The following GRK1 variants were observed in gnomAD, a reference collection of about 807,000 sequenced individuals.
GRK1 encodes G protein-coupled receptor kinase 1, also known as rhodopsin kinase GRK1.
In GRK1, 28 loss-of-function variants were observed where a neutral mutation model predicts 41.7. The ratio of observed to expected loss-of-function variants is 0.67; its 90% confidence interval spans 0.50 to 0.92. GRK1 has a LOEUF of 0.92. GRK1 is among the 40% of genes least tolerant of loss of function. GRK1 has a pLI of 0.00. For synonymous variants in GRK1, 327 were observed against 286.7 expected, an observed-to-expected ratio of 1.14 and a Z score of -1.42; for missense variants, 703 against 671.2, an observed-to-expected ratio of 1.05 and a Z score of -0.52.
chr13:113,734,023 C>CGTAT (rs2049981963), intron 6 of GRK1, among the ~76,000 whole-genome samples: 1 of 90,642 alleles, frequency 1.1e-5, no homozygotes. Flanking sequence ...CATGTGTGTG[C>CGTAT]GTGCGTGTGC....
At chr13:113,653,558 C>T in the GRK1 span, 1 of 729,828 alleles carries the variant, frequency 1.4e-6, no homozygotes, top group South Asian at 1.7e-5. Flanking sequence ...TCGGAGTAAA[C>T]TGTCTGCAGC....
chr13:113,668,913 T>G (rs1334475647), intron 1 of GRK1, among the ~76,000 whole-genome samples: 1 of 152,256 alleles, frequency 6.6e-6, no homozygotes, highest in Non-Finnish European at 1.5e-5. Context: ...AAATACCAGG[T>G]GCTCACAGCG....
chr13:113,654,904 T>C, the GRK1 span: 1 of 1,614,206 alleles, frequency 6.2e-7, no homozygotes, highest in Non-Finnish European at 8.5e-7. Context: ...AGCCCAGTCA[T>C]CACCACGTAG....
the GRK1 span, chr13:113,658,242 G>A: frequency 8.4e-7 from 1 of 1,192,720 alleles, no homozygotes. Context: ...TCCTCTGCCA[G>A]AGGTCAAAGG....
chr13:113,723,672 G>C (rs2049870867), intron 4 of GRK1, among the ~76,000 whole-genome samples: 1 of 152,164 alleles, frequency 6.6e-6, no homozygotes, highest in South Asian at 2.1e-4. Flanking sequence ...ATGGGAGGCA[G>C]GTTTGCCATA....
Position 113,731,268 on chromosome 13 carries a change from G to A in GRK1, c.1119G>A (p.Val373=), listed in dbSNP as rs754917668. The A allele has an allele frequency of 1.3e-6, 2 of 1,537,014 alleles. No individual in the cohort carries two copies. The highest frequency in any genetic ancestry group is 1.4e-5 in the African/African-American group (1 of 73,022). ...LLQGEEYDFS[V]DYFALGVTLY... ...AGGGCGAGGAGTACGACTTCTCCGTGGACTACTTTGCCCTGGGGGTCACCC... is the reference window on the plus strand; with the variant it reads ...AGGGCGAGGAGTACGACTTCTCCGTAGACTACTTTGCCCTGGGGGTCACCC... The change falls in exon 5 of 7, where the codon GTG becomes GTA. Residue 373 remains valine, a synonymous_variant. Transcript: ENST00000335678. The surrounding 1 kb of genome is among the most constrained non-coding windows in gnomAD (Gnocchi z 5.6).
At position 113,667,383 on chromosome 13, in the gene GRK1, C is replaced by G. The variant is rs369265506; in HGVS notation, c.-4C>G. The G allele has an allele frequency of 2.6e-6, 4 of 1,553,992 alleles. No individual in the cohort carries two copies. The highest frequency in any genetic ancestry group is 3.5e-6 in the Non-Finnish European group (4 of 1,150,334). Reference sequence around the variant, plus strand: ...CACGCCTGAAGCGGGCAGGAAGCTCCGGGATGGATTTCGGGTCTTTGGAGA... The same window carrying G: ...CACGCCTGAAGCGGGCAGGAAGCTCGGGGATGGATTTCGGGTCTTTGGAGA... On this transcript the variant is annotated 5_prime_UTR_variant, in exon 1 of 7. Transcript: ENST00000335678. The surrounding 1 kb of genome is among the most constrained non-coding windows in gnomAD (Gnocchi z 7.5).
chr13:113,671,405 C>T lies in GRK1; in HGVS notation c.828-94C>T, dbSNP rs549594607. The stretch of plus-strand genomic sequence containing the variant: ...GCCTCAAAACGACCAGAACGCTGGC[C>T]GAGAGACATGGTTCTGAGGCCCCAG... On this transcript the variant is annotated intron_variant, in intron 2 of 6. Coordinates refer to ENST00000335678, the MANE Select transcript of GRK1 (RefSeq NM_002929.3). This position sits in a 1 kb window ranked among gnomAD's most constrained non-coding sequence, Gnocchi z 4.1. 7 of 751,868 alleles carry T rather than the reference C, an allele frequency of 9.3e-6. No individual in the cohort carries two copies. Among genetic ancestry groups the T allele is most frequent in the East Asian group, 4.9e-5 (2 of 40,880 alleles). 46.6% of individuals were successfully genotyped at this position (751,868 alleles called of 1,614,324 possible). A position where few individuals can be genotyped will look rare whatever the true frequency, so the allele number is the denominator to read the frequency against.
chr13:113,732,783 C>T (rs1453006178), intron 5 of GRK1, 101 bp from the exon 6 acceptor site: 14 of 1,299,132 alleles, frequency 1.1e-5, no homozygotes, highest in Admixed American at 8.5e-5. Flanking sequence ...GTCCCCCACC[C>T]GCGTGGGTGA....
chr13:113,735,499 C>A lies in GRK1; in HGVS notation c.*136C>A. Reference sequence around the variant, plus strand: ...TCCACCCAGGTCCCCATCACGCCATCTCCTTGCGGCCCAAGGAGGAGAAAG... The same window carrying A: ...TCCACCCAGGTCCCCATCACGCCATATCCTTGCGGCCCAAGGAGGAGAAAG... On this transcript the variant is annotated 3_prime_UTR_variant, in exon 7 of 7. Coordinates refer to ENST00000335678, the MANE Select transcript of GRK1 (RefSeq NM_002929.3). The A allele has an allele frequency of 1.0e-6, 1 of 984,708 alleles. No homozygotes were observed. Among genetic ancestry groups the A allele is most frequent in the Non-Finnish European group, 1.4e-6 (1 of 708,308 alleles). 61.0% of individuals were successfully genotyped at this position (984,708 alleles called of 1,614,324 possible).
At chr13:113,725,293 G>A (rs1218398667) in intron 4 of GRK1, among the ~76,000 whole-genome samples, 3 of 150,824 alleles carry the variant, frequency 2.0e-5, no homozygotes, top group African/African-American at 7.4e-5. Context: ...CCGGTCATGC[G>A]CGGTCCTAGT....
In GRK1 at chr13:113,731,408, G is replaced by A. The variant is rs1049579365; in HGVS notation, c.1194+65G>A. On this transcript the variant is annotated intron_variant, in intron 5 of 6. Transcript: ENST00000335678. This position sits in a 1 kb window ranked among gnomAD's most constrained non-coding sequence, Gnocchi z 5.6. ...CGCCCTGGCTCTCGATGGGGACGGG[G>A]CAGTGATGGGATCGTTACTGGGGCA... is the stretch of plus-strand genomic sequence containing the variant. The A allele has an allele frequency of 3.7e-5, 57 of 1,529,476 alleles. No homozygotes were observed. The highest frequency in any genetic ancestry group is 4.7e-5 in the Non-Finnish European group (54 of 1,142,622). 94.7% of individuals were successfully genotyped at this position (1,529,476 alleles called of 1,614,324 possible).
In GRK1 at chr13:113,731,702, C is replaced by T. The variant is rs866292649; in HGVS notation, c.1194+359C>T. Among the ~76,000 whole-genome samples, 1 of 152,144 alleles carries T rather than the reference C, an allele frequency of 6.6e-6. No homozygotes were observed. The highest frequency in any genetic ancestry group is 6.5e-5 in the Admixed American group (1 of 15,278). Reference sequence around the variant, plus strand: ...ACCGGAGGAGGGAGGGCGACTTATCCCACTGTTGCCCCAGACCCTGGGCAG... The same window carrying T: ...ACCGGAGGAGGGAGGGCGACTTATCTCACTGTTGCCCCAGACCCTGGGCAG... On this transcript the variant is annotated intron_variant, in intron 5 of 6. Transcript: ENST00000335678. The surrounding 1 kb of genome is among the most constrained non-coding windows in gnomAD (Gnocchi z 5.6).
intron 1 of GRK1, 78 bp downstream of exon 1, chr13:113,668,163 G>A: frequency 7.0e-7 from 1 of 1,428,022 alleles, no homozygotes; most frequent in Non-Finnish European, 9.4e-7. Context: ...AGGGCCCCCA[G>A]GTCACTGTCG....
the GRK1 span, chr13:113,653,155 A>T: frequency 1.3e-6 from 2 of 1,503,332 alleles, no homozygotes; most frequent in Admixed American, 1.9e-5. Flanking sequence ...GCAAGCCCTG[A>T]GTGCGAGTTT....
the GRK1 span, chr13:113,654,808 GC>G: frequency 6.2e-7 from 1 of 1,613,376 alleles, no homozygotes; most frequent in Non-Finnish European, 8.5e-7. Context: ...CATCCCGGGC[GC>G]TTACCTGGTG....
rs760089320 is a variant in GRK1 at position 113,671,631 on chromosome 13, C to A, written c.960C>A (p.Pro320=). ...QRRIVYRDLK[P]ENVLLDNDGN... is the part of the protein sequence containing the mutation. ...GGATCGTCTACCGCGACCTCAAGCC[C>A]GAGAACGTGCTGCTGGACAATGACG... Residue 320 remains proline (P), a synonymous_variant, in exon 3 of 7, where the codon CCC becomes CCA. Coordinates refer to ENST00000335678, the MANE Select transcript of GRK1 (RefSeq NM_002929.3). The surrounding 1 kb of genome is among the most constrained non-coding windows in gnomAD (Gnocchi z 4.1). 2 of 767,854 alleles carry A rather than the reference C, an allele frequency of 2.6e-6. No homozygotes were observed. Among genetic ancestry groups the A allele is most frequent in the East Asian group, 2.4e-5 (1 of 41,162 alleles). 47.6% of individuals were successfully genotyped at this position (767,854 alleles called of 1,614,324 possible).
the GRK1 span, chr13:113,658,291 T>G: frequency 0.67 from 499,480 of 750,736 alleles, 167,058 homozygotes; most frequent in African/African-American, 0.69. Flanking sequence ...GCCAGGGCCG[T>G]TTATCAGCGC....
At chr13:113,652,895 C>G in the GRK1 span, 1 of 1,614,208 alleles carries the variant, frequency 6.2e-7, no homozygotes, top group Non-Finnish European at 8.5e-7. Context: ...AATAATAAAA[C>G]ATGGCTTTCC....
Sources: allele counts gnomAD v4.1 joint callset (sites outside exome capture counted in the v4.1 genomes callset), GRCh38; gene constraint gnomAD v4.1.1; non-coding constraint Gnocchi (gnomAD v3.1); transcripts MANE v1.5; gene names NCBI Gene and HGNC (gene_info 2026-07-23, HGNC 2026-07-21).